The following APBA1 variants were observed in gnomAD, a reference collection of about 807,000 sequenced individuals.
The protein encoded by APBA1 is amyloid-beta A4 precursor protein-binding family A member 1.
Under a neutral mutation model 86.6 loss-of-function variants are expected in APBA1, and 55 were observed. That is an observed-to-expected ratio of 0.64 (90% CI 0.51 to 0.80). The LOEUF is 0.80. Among genes scored for constraint, APBA1 ranks in the 30% least tolerant of loss-of-function variants. The pLI is 0.00. For missense variants in APBA1, 1,090 were observed against 1,183.0 expected, an observed-to-expected ratio of 0.92 and a Z score of 1.15; for synonymous variants, 511 against 493.9, an observed-to-expected ratio of 1.03 and a Z score of -0.46.
At chr9:69,654,614 C>A (rs1336992807) in intron 1 of APBA1, among the ~76,000 whole-genome samples, 5 of 152,144 alleles carry the variant, frequency 3.3e-5, no homozygotes, top group Admixed American at 6.5e-5. Context: ...CCACTAAATT[C>A]TACATAACAT....
In APBA1 at chr9:69,427,928, T is replaced by A; in HGVS notation, c.*3399A>T. ...CAAGTTCATACTCTAGGTGCTGTGC[T>A]AAGTATGTACAAGAAATGTCATTCC... On this transcript the variant is annotated 3_prime_UTR_variant, in exon 13 of 13. Transcript: ENST00000265381. The A allele has an allele frequency of 1.3e-5, 2 of 152,364 alleles. No homozygotes were observed. Among genetic ancestry groups the A allele is most frequent in the Admixed American group, 6.5e-5 (1 of 15,312 alleles). The allele number at this position is 152,364 out of a possible 1,614,324, so 9.4% of individuals were successfully genotyped here. A position where few individuals can be genotyped will look rare whatever the true frequency, so the allele number is the denominator to read the frequency against.
chr9:69,604,697 C>T (rs573008643), intron 1 of APBA1, among the ~76,000 whole-genome samples: 15 of 127,744 alleles, frequency 1.2e-4, no homozygotes, highest in East Asian at 6.2e-4. Context: ...CACACATGCA[C>T]GCACATGAGG....
chr9:69,517,155 C>G lies in APBA1; in HGVS notation c.56G>C (p.Gly19Ala). 1 of 1,560,658 alleles carries G rather than the reference C, an allele frequency of 6.4e-7. No homozygotes were observed. The highest frequency in any genetic ancestry group is 8.7e-7 in the Non-Finnish European group (1 of 1,154,738). The change falls in exon 2 of 13, where the codon GGG (glycine) becomes GCG (alanine). Residue 19 changes from glycine to alanine, a missense_variant. Around this residue, in one of 6 missense-constraint regions of APBA1, gnomAD observed 678 missense variants for 647.1 expected, o/e 1.05. Coordinates refer to ENST00000265381, the MANE Select transcript of APBA1 (RefSeq NM_001163.4). Reference protein sequence around the residue: ...EVEVTDEAAGGEVNESVEADL... With the variant: ...EVEVTDEAAGAEVNESVEADL... Reference sequence around the variant, plus strand: ...GGCCTCCACCGACTCGTTCACCTCCCCACCTGCCGCCTCGTCGGTCACCTC... The same window carrying G: ...GGCCTCCACCGACTCGTTCACCTCCGCACCTGCCGCCTCGTCGGTCACCTC...
At chr9:69,525,963 G>A (rs1470465075) in intron 1 of APBA1, among the ~76,000 whole-genome samples, 3 of 152,090 alleles carry the variant, frequency 2.0e-5, no homozygotes, top group South Asian at 2.1e-4. Context: ...AATAAGCGAC[G>A]GGGAAAGGAC....
chr9:69,560,094 C>T (rs1836925254), intron 1 of APBA1, among the ~76,000 whole-genome samples: 1 of 152,178 alleles, frequency 6.6e-6, no homozygotes, highest in South Asian at 2.1e-4. Context: ...CAGGTTTAGT[C>T]ACATCAACTG....
chr9:69,643,075 G>T (rs958443424), intron 1 of APBA1, among the ~76,000 whole-genome samples: 7 of 151,392 alleles, frequency 4.6e-5, no homozygotes, highest in Non-Finnish European at 1.0e-4. Context: ...CAGCCTGTTG[G>T]TTCTGTTTCT....
intron 1 of APBA1, among the ~76,000 whole-genome samples, chr9:69,581,149 A>T (rs1821906902): frequency 6.6e-6 from 1 of 152,100 alleles, no homozygotes. Context: ...CCTAAATCAA[A>T]TTCAGGCTCA....
intron 1 of APBA1, among the ~76,000 whole-genome samples, chr9:69,530,355 CACAT>C (rs1167217778): frequency 9.4e-5 from 14 of 149,322 alleles, no homozygotes; most frequent in Non-Finnish European, 1.5e-4. Context: ...CACACACACA[CACAT>C]GCAACACTAT....
At position 69,431,261 on chromosome 9, in the gene APBA1, T is replaced by G; in HGVS notation, c.*66A>C. ...GGGAAAGTCTCAGTGGACACAGGGA[T>G]GCAGCACGAGAAACACAACCACGAA... On this transcript the variant is annotated 3_prime_UTR_variant, in exon 13 of 13. Transcript: ENST00000265381. The G allele has an allele frequency of 4.6e-6, 6 of 1,311,710 alleles. No individual in the cohort carries two copies. Among genetic ancestry groups the G allele is most frequent in the Non-Finnish European group, 5.2e-6 (5 of 953,766 alleles). 81.3% of individuals were successfully genotyped at this position (1,311,710 alleles called of 1,614,324 possible).
rs199962660 is a variant in APBA1, at chr9:69,516,444, G to A, written c.767C>T (p.Ala256Val). The part of the protein sequence containing the change: ...SDSPEKEAEF[A>V]PYPRMDSYEQ... ...GTAGCTGTCCATGCGCGGGTAGGGC[G>A]CGAACTCGGCCTCCTTCTCGGGGCT... The change falls in exon 2 of 13, where the codon GCG becomes GTG. Residue 256 changes from alanine (A) to valine (V), a missense_variant. Physicochemically the swap from Ala to Val is moderately conservative, Grantham distance 64. This residue lies in a region of APBA1 where 678 missense variants were observed against 647.1 expected (regional missense o/e 1.05). Coordinates refer to ENST00000265381, the MANE Select transcript of APBA1 (RefSeq NM_001163.4). The surrounding 1 kb of genome is among the most constrained non-coding windows in gnomAD (Gnocchi z 7.3). 1.9e-5 allele frequency: 31 copies of A among 1,604,084 alleles called. No individual in the cohort carries two copies. Among genetic ancestry groups the A allele is most frequent in the Non-Finnish European group, 2.5e-5 (29 of 1,178,692 alleles).
intron 10 of APBA1, among the ~76,000 whole-genome samples, chr9:69,448,179 C>T (rs1834943901): frequency 6.6e-6 from 1 of 152,216 alleles, no homozygotes; most frequent in Non-Finnish European, 1.5e-5. Context: ...GGTTTTATTC[C>T]TTCAAGGTCA....
rs938191032 is a variant in APBA1, at chr9:69,602,646, C to T, written c.-70+69507G>A. ...CAGTCACTCTCATTCTTCTATCTTCCACCCCAGCAAAAACTAATCTACTTT... is the reference window on the plus strand; with the variant it reads ...CAGTCACTCTCATTCTTCTATCTTCTACCCCAGCAAAAACTAATCTACTTT... On this transcript the variant is annotated intron_variant, in intron 1 of 12. Transcript: ENST00000265381. Among the ~76,000 whole-genome samples, 20 of 151,780 alleles carry T rather than the reference C, an allele frequency of 1.3e-4. 1 individual carries two copies. Among genetic ancestry groups the T allele is most frequent in the Admixed American group, 7.9e-4 (12 of 15,232 alleles).
chr9:69,639,954 TAAAACACAG>T (rs746122328), intron 1 of APBA1, among the ~76,000 whole-genome samples: 2 of 152,052 alleles, frequency 1.3e-5, no homozygotes, highest in Non-Finnish European at 2.9e-5. Context: ...CTAATTTATA[TAAAACACAG>T]AGAACAGAGA....
intron 1 of APBA1, among the ~76,000 whole-genome samples, chr9:69,577,202 T>C (rs1450406137): frequency 6.6e-6 from 1 of 152,252 alleles, no homozygotes; most frequent in Admixed American, 6.5e-5. Context: ...TACAATGGTA[T>C]AGAAGACTAG....
In APBA1 at chr9:69,436,989, G is replaced by A. The variant is rs534487663; in HGVS notation, c.2301+4007C>T. On this transcript the variant is annotated intron_variant, in intron 11 of 12. Coordinates refer to ENST00000265381, the MANE Select transcript of APBA1 (RefSeq NM_001163.4). ...TATTGAGAGTTTTTTAGCATGAAGC[G>A]TTGTTGAATTTTGTCAAAGGCCTTT... Among the ~76,000 whole-genome samples, 113 of 152,202 alleles carry A rather than the reference G, an allele frequency of 7.4e-4. 3 individuals are homozygous for A. Among genetic ancestry groups the A allele is most frequent in the East Asian group, 3.5e-3 (18 of 5,174 alleles).
At chr9:69,595,609 G>C (rs1822211632) in intron 1 of APBA1, among the ~76,000 whole-genome samples, 1 of 152,178 alleles carries the variant, frequency 6.6e-6, no homozygotes, top group African/African-American at 2.4e-5. Context: ...TTCAAGGATA[G>C]AATATTTTTT....
chr9:69,443,551 G>C (rs898607160), intron 10 of APBA1, among the ~76,000 whole-genome samples: 1 of 152,126 alleles, frequency 6.6e-6, no homozygotes, highest in Non-Finnish European at 1.5e-5. Context: ...GATCACTGCT[G>C]CATCAAAACC....
chr9:69,446,161 G>A (rs951850006), intron 10 of APBA1, among the ~76,000 whole-genome samples: 1 of 152,152 alleles, frequency 6.6e-6, no homozygotes, highest in African/African-American at 2.4e-5. Flanking sequence ...AAAGGGGTGT[G>A]TTTTCTAGAG....
intron 2 of APBA1, among the ~76,000 whole-genome samples, chr9:69,496,158 T>G (rs1835791238): frequency 6.6e-6 from 1 of 151,952 alleles, no homozygotes; most frequent in Non-Finnish European, 1.5e-5. Context: ...GAGGCAGCAG[T>G]GTGGTTCTGA....
Sources: gnomAD v4.1 joint callset for allele counts (sites outside exome capture counted in the v4.1 genomes callset) on GRCh38, gnomAD v4.1.1 for gene constraint, gnomAD v4.1.1 regional missense constraint, Gnocchi (gnomAD v3.1) non-coding constraint, MANE v1.5 for transcripts, NCBI Gene and HGNC (gene_info 2026-07-23, HGNC 2026-07-21) for gene names.